ADAMDEC1: variants seen among roughly 807,000 people sequenced by gnomAD.
ADAMDEC1 encodes ADAM DEC1.
A neutral mutation model predicts 60.4 loss-of-function variants in ADAMDEC1; 62 were observed. The ratio of observed to expected loss-of-function variants is 1.03; its 90% CI spans 0.84 to 1.27. The LOEUF (loss-of-function observed/expected upper bound fraction) is 1.27, where lower values mean the gene tolerates loss of function less well. Among genes scored for constraint, ADAMDEC1 ranks in the 50% most tolerant of loss-of-function variants. The pLI is 0.00. For missense variants in ADAMDEC1, 595 were observed against 565.0 expected (o/e 1.05, Z -0.54); for synonymous variants, 210 against 195.1 (o/e 1.08, Z -0.64).
intron 1 of ADAMDEC1, chr8:24,387,213 A>G (rs553128188): frequency 6.6e-6 from 1 of 152,236 alleles, no homozygotes; most frequent in Non-Finnish European, 1.5e-5. Context: ...CTCCCTTCTA[A>G]TTCCACTTGA....
At chr8:24,392,886 GTTTTTTT>G (rs34415946) in intron 2 of ADAMDEC1, among the ~76,000 whole-genome samples, 11 of 50,364 alleles carry the variant, frequency 2.2e-4, no homozygotes, top group African/African-American at 6.2e-4. Flanking sequence ...GGGTTGAGAG[GTTTTTTT>G]TTTTTTTTTT....
At chr8:24,402,602 T>A (rs1473944681) in intron 12 of ADAMDEC1, among the ~76,000 whole-genome samples, 1 of 152,154 alleles carries the variant, frequency 6.6e-6, no homozygotes, top group Admixed American at 6.6e-5. Context: ...TGCTAATTTA[T>A]ATAAATTAGA....
intron 2 of ADAMDEC1, among the ~76,000 whole-genome samples, chr8:24,392,811 A>G (rs1042504844): frequency 3.4e-5 from 5 of 147,780 alleles, no homozygotes; most frequent in East Asian, 2.0e-4. Flanking sequence ...AAAGATACCA[A>G]TTCTTTGACT....
chr8:24,397,493 T>C (rs1289577858), intron 6 of ADAMDEC1, 37 bp downstream of exon 6: 2 of 1,604,134 alleles, frequency 1.2e-6, no homozygotes, highest in South Asian at 2.2e-5. Flanking sequence ...TTTACTTCAA[T>C]TGTCTCAGCA....
chr8:24,392,313 CT>C lies in ADAMDEC1; in HGVS notation c.141del (p.Lys49AsnfsTer32). On this transcript the variant is annotated frameshift_variant, in exon 2 of 14. Transcript: ENST00000256412. LOFTEE classifies it high-confidence loss of function. ...TTAACGCTCCATGAAATAGTTTGTC[CT>C]AAAAAACTTCACATTTTACACAAAA... ...PELTLHEIVCPKKLHILHKRE... is the reference protein window; with the variant it reads ...PELTLHEIVCXKKLHILHKRE... The C allele has an allele frequency of 1.2e-6, 2 of 1,610,954 alleles. No individual in the cohort carries two copies. Among genetic ancestry groups the C allele is most frequent in the Non-Finnish European group, 1.7e-6 (2 of 1,178,512 alleles).
At chr8:24,395,918 A>G (rs1817598560) in intron 5 of ADAMDEC1, 122 bp downstream of exon 5, 1 of 705,384 alleles carries the variant, frequency 1.4e-6, no homozygotes, top group Non-Finnish European at 2.4e-6. Flanking sequence ...TGCTGAATAT[A>G]TGTGGTTAAA....
intron 13 of ADAMDEC1, among the ~76,000 whole-genome samples, chr8:24,404,821 C>T (rs745874024): frequency 6.6e-6 from 1 of 152,088 alleles, no homozygotes; most frequent in African/African-American, 2.4e-5. Context: ...AATGGATAGG[C>T]AAGGTCAAAG....
At chr8:24,397,170 T>A (rs746969357) in intron 5 of ADAMDEC1, 100 bp from the exon 6 acceptor site, 2 of 1,066,024 alleles carry the variant, frequency 1.9e-6, no homozygotes, top group East Asian at 2.4e-5. Context: ...CAAGGCTATG[T>A]GTGAAATTGG....
chr8:24,390,480 T>C (rs1051097609), intron 1 of ADAMDEC1, among the ~76,000 whole-genome samples: 2 of 152,194 alleles, frequency 1.3e-5, no homozygotes, highest in Admixed American at 1.3e-4. Flanking sequence ...CCCAGCACTT[T>C]AGGAGGCTGA....
intron 1 of ADAMDEC1, among the ~76,000 whole-genome samples, chr8:24,388,849 A>G (rs968875348): frequency 1.3e-5 from 2 of 152,198 alleles, no homozygotes; most frequent in Non-Finnish European, 2.9e-5. Flanking sequence ...AGGCTAAAAG[A>G]TCCAGTTTCT....
Position 24,393,324 on chromosome 8 carries a change from C to T in ADAMDEC1, c.270C>T (p.Ser90=). The T allele has an allele frequency of 6.2e-7, 1 of 1,601,760 alleles. No homozygotes were observed. The highest frequency in any genetic ancestry group is 8.5e-7 in the Non-Finnish European group (1 of 1,172,254). Residue 90 remains serine (S), a synonymous_variant, in exon 3 of 14, where the codon TCC becomes TCT. Coordinates refer to ENST00000256412, the MANE Select transcript of ADAMDEC1 (RefSeq NM_014479.3). ...TAAATGGAGAAGAAATCATTCTCTC[C>T]CTACAAAAAACCAAGTAAGTTGTAC... ...MILNGEEIIL[S]LQKTKHLLGP...
At chr8:24,403,968 A>G (rs1307948903) in intron 12 of ADAMDEC1, 35 bp from the exon 13 acceptor site, 16 of 1,571,828 alleles carry the variant, frequency 1.0e-5, no homozygotes, top group Middle Eastern at 1.7e-4. Context: ...GAAAATGTTG[A>G]ACCCACCTTT....
rs1195180613 is a variant in ADAMDEC1 at position 24,395,734 on chromosome 8, T to C, written c.378T>C (p.Tyr126=). 4 of 1,613,312 alleles carry C rather than the reference T, an allele frequency of 2.5e-6. No individual in the cohort carries two copies. Among genetic ancestry groups the C allele is most frequent in the Non-Finnish European group, 2.5e-6 (3 of 1,179,608 alleles). The change falls in exon 5 of 14, where the codon TAT becomes TAC. Residue 126 remains tyrosine, a synonymous_variant. Coordinates refer to ENST00000256412, the MANE Select transcript of ADAMDEC1 (RefSeq NM_014479.3). ...TKPENMEHCY[Y]KGNILNEKNS... ...TTCCACTCCAGGAACACTGTTACTA[T>C]AAAGGAAACATCCTAAATGAAAAGA... is the stretch of plus-strand genomic sequence containing the variant.
At chr8:24,392,886 GTTTTTT>G (rs34415946) in intron 2 of ADAMDEC1, among the ~76,000 whole-genome samples, 1 of 50,362 alleles carries the variant, frequency 2.0e-5, no homozygotes, top group South Asian at 9.0e-4. Context: ...GGGTTGAGAG[GTTTTTT>G]TTTTTTTTTT....
At chr8:24,402,228 T>A in intron 12 of ADAMDEC1, 136 bp downstream of exon 12, 1 of 756,378 alleles carries the variant, frequency 1.3e-6, no homozygotes, top group South Asian at 2.3e-5. Context: ...GTGTTTTTGC[T>A]ACTGAATTTA....
rs868658614 is a variant in ADAMDEC1, at chr8:24,393,326, T to G, written c.272T>G (p.Leu91Arg). The change falls in exon 3 of 14, where the codon CTA (leucine) becomes CGA (arginine). Residue 91 changes from leucine to arginine, a missense_variant. Physicochemically the swap from Leu to Arg is moderately radical, Grantham distance 102. Transcript: ENST00000256412. The stretch of plus-strand genomic sequence containing the variant: ...AATGGAGAAGAAATCATTCTCTCCC[T>G]ACAAAAAACCAAGTAAGTTGTACCT... The part of the protein sequence containing the change: ...ILNGEEIILS[L>R]QKTKHLLGPD... The G allele has an allele frequency of 2.5e-6, 4 of 1,601,540 alleles. No individual in the cohort carries two copies. The highest frequency in any genetic ancestry group is 2.6e-6 in the Non-Finnish European group (3 of 1,171,218).
Position 24,398,916 on chromosome 8 carries a change from G to A in ADAMDEC1, c.805G>A (p.Glu269Lys). 1 of 1,613,858 alleles carries A rather than the reference G, an allele frequency of 6.2e-7. No individual in the cohort carries two copies. Among genetic ancestry groups the A allele is most frequent in the Non-Finnish European group, 8.5e-7 (1 of 1,179,884 alleles). ...IDVQVALVGMEIWSDGDKIKV... is the reference protein window; with the variant it reads ...IDVQVALVGMKIWSDGDKIKV... ...TGTTCAAGTGGCCTTGGTAGGTATG[G>A]AAATCTGGTCTGATGGGGATAAGAT... The change falls in exon 9 of 14, where the codon GAA becomes AAA. Residue 269 changes from glutamate (E) to lysine (K), a missense_variant. By Grantham distance (56) the Glu-to-Lys change is moderately conservative (BLOSUM62 1). Transcript: ENST00000256412.
chr8:24,397,130 C>A (rs1362165345), intron 5 of ADAMDEC1, 140 bp from the exon 6 acceptor site: 9 of 635,074 alleles, frequency 1.4e-5, no homozygotes, highest in Middle Eastern at 3.8e-4. Flanking sequence ...ACTTACATTA[C>A]CAGAAGTTAG....
rs1334336441 is a variant in ADAMDEC1 at position 24,397,457 on chromosome 8, G to A, written c.627+1G>A. 1 of 1,612,884 alleles carries A rather than the reference G, an allele frequency of 6.2e-7. No homozygotes were observed. Among genetic ancestry groups the A allele is most frequent in the Middle Eastern group, 1.7e-4 (1 of 6,050 alleles). On this transcript the variant is annotated splice_donor_variant, in intron 6 of 13. Transcript: ENST00000256412. LOFTEE classifies it high-confidence loss of function. Reference sequence around the variant, plus strand: ...CTCTAGATCACTCAAAAGCCCAGAGGTGAATACAATTCCCTTACCTCATCA... The same window carrying A: ...CTCTAGATCACTCAAAAGCCCAGAGATGAATACAATTCCCTTACCTCATCA...
Sources: allele counts gnomAD v4.1 joint callset (sites outside exome capture counted in the v4.1 genomes callset), GRCh38; gene constraint gnomAD v4.1.1; transcripts MANE v1.5; gene names NCBI Gene and HGNC (gene_info 2026-07-23, HGNC 2026-07-21).